The following LARGE1 variants were observed in gnomAD, a reference collection of about 807,000 sequenced individuals.
LARGE1 encodes the protein LARGE xylosyl- and glucuronyltransferase 1.
In LARGE1, 43 loss-of-function variants were observed where a neutral mutation model predicts 87.6. The observed-to-expected ratio is 0.49, with a 90% CI of 0.38 to 0.63. The LOEUF is 0.63. Among genes scored for constraint, LARGE1 ranks in the 30% least tolerant of loss-of-function variants. The pLI is 0.00. For synonymous variants in LARGE1, 434 were observed against 394.6 expected, an observed-to-expected ratio of 1.10 and a Z score of -1.18; for missense variants, 802 against 1,000.2, an observed-to-expected ratio of 0.80 and a Z score of 2.67.
intron 1 of LARGE1, among the ~76,000 whole-genome samples, chr22:33,800,642 T>C (rs1489507101): frequency 2.6e-5 from 4 of 152,204 alleles, no homozygotes; most frequent in African/African-American, 9.6e-5. Context: ...AACAGAACCA[T>C]ATAGTCTCTA....
At chr22:33,758,591 T>C (rs2084609518) in intron 2 of LARGE1, among the ~76,000 whole-genome samples, 1 of 152,210 alleles carries the variant, frequency 6.6e-6, no homozygotes, top group Non-Finnish European at 1.5e-5. Context: ...CCTCAAAGTA[T>C]TTTCATGATC....
At chr22:33,331,394 CTCTT>C (rs1347622959) in intron 10 of LARGE1, among the ~76,000 whole-genome samples, 2 of 150,008 alleles carry the variant, frequency 1.3e-5, no homozygotes, top group Non-Finnish European at 2.9e-5. Flanking sequence ...CTTTCTCTCT[CTCTT>C]TCTCTTCTTA....
At chr22:33,866,791 T>C (rs1038544595) in intron 1 of LARGE1, among the ~76,000 whole-genome samples, 1 of 152,078 alleles carries the variant, frequency 6.6e-6, no homozygotes, top group Non-Finnish European at 1.5e-5. Flanking sequence ...GGCCCAAACA[T>C]AGCAGACACT....
chr22:33,837,746 C>T (rs1484415763), intron 1 of LARGE1, among the ~76,000 whole-genome samples: 1 of 152,236 alleles, frequency 6.6e-6, no homozygotes, highest in Non-Finnish European at 1.5e-5. Context: ...TCAATGAGAA[C>T]TTCAAGAGGC....
the LARGE1 span, among the ~76,000 whole-genome samples, chr22:33,117,406 T>C: frequency 1.3e-5 from 2 of 150,788 alleles, no homozygotes; most frequent in Non-Finnish European, 2.9e-5. Flanking sequence ...GAGTCATAGA[T>C]ATTGTAAGCA....
chr22:33,396,961 T>C (rs2065767664), intron 7 of LARGE1, among the ~76,000 whole-genome samples: 3 of 152,192 alleles, frequency 2.0e-5, no homozygotes, highest in Non-Finnish European at 4.4e-5. Context: ...GAGTGGAATG[T>C]ACATTCAGAA....
At chr22:33,234,867 T>C (rs1370079265) in intron 11 of LARGE1, among the ~76,000 whole-genome samples, 1 of 151,742 alleles carries the variant, frequency 6.6e-6, no homozygotes, top group African/African-American at 2.4e-5. Flanking sequence ...ATATTAATTG[T>C]ATTTTTTAAA....
At chr22:33,528,821 A>G (rs1025884615) in intron 6 of LARGE1, among the ~76,000 whole-genome samples, 8 of 152,168 alleles carry the variant, frequency 5.3e-5, no homozygotes, top group Non-Finnish European at 8.8e-5. Flanking sequence ...GGTCTCCTTG[A>G]CCAAGAGATG....
At chr22:33,791,674 A>G (rs2085828039) in intron 1 of LARGE1, among the ~76,000 whole-genome samples, 1 of 152,192 alleles carries the variant, frequency 6.6e-6, no homozygotes, top group African/African-American at 2.4e-5. Context: ...AAATGCTGCT[A>G]AAGAGCAGAG....
chr22:33,910,156 C>T (rs781556833), intron 1 of LARGE1, among the ~76,000 whole-genome samples: 1 of 152,146 alleles, frequency 6.6e-6, no homozygotes, highest in Non-Finnish European at 1.5e-5. Flanking sequence ...TAACTTATGA[C>T]ACATTTTTTG....
At chr22:33,851,821 T>G (rs1380797843) in intron 1 of LARGE1, among the ~76,000 whole-genome samples, 1 of 152,214 alleles carries the variant, frequency 6.6e-6, no homozygotes, top group East Asian at 1.9e-4. Context: ...TTCCTAATTT[T>G]TATCTAAGAG....
chr22:33,901,305 G>A (rs2146898801), intron 1 of LARGE1, among the ~76,000 whole-genome samples: 1 of 152,196 alleles, frequency 6.6e-6, no homozygotes, highest in East Asian at 1.9e-4. Flanking sequence ...AGAACTGTGA[G>A]ACAATTAATG....
At chr22:33,234,874 T>A (rs543230203) in intron 11 of LARGE1, among the ~76,000 whole-genome samples, 10 of 151,070 alleles carry the variant, frequency 6.6e-5, no homozygotes, top group South Asian at 2.1e-4. Flanking sequence ...TTGTATTTTT[T>A]AAAAATCTGA....
downstream of LARGE1, among the ~76,000 whole-genome samples, chr22:33,269,300 AC>A (rs1199848303): frequency 4.4e-4 from 67 of 152,334 alleles, no homozygotes; most frequent in Middle Eastern, 3.4e-3. Flanking sequence ...TGAAACTAAA[AC>A]AAAACTAAAA....
intron 2 of LARGE1, among the ~76,000 whole-genome samples, chr22:33,741,849 G>GT (rs1408372505): frequency 6.6e-6 from 1 of 152,164 alleles, no homozygotes; most frequent in Non-Finnish European, 1.5e-5. Context: ...GCAAGAGAAC[G>GT]TGAGTGGGTT....
chr22:33,458,233 G>A (rs1282580379), intron 6 of LARGE1, among the ~76,000 whole-genome samples: 3 of 148,986 alleles, frequency 2.0e-5, no homozygotes, highest in East Asian at 2.0e-4. Flanking sequence ...CAGCCTCCCA[G>A]TAGCTGGGAC....
chr22:33,525,128 T>G (rs899474607), intron 6 of LARGE1, among the ~76,000 whole-genome samples: 1 of 152,184 alleles, frequency 6.6e-6, no homozygotes, highest in African/African-American at 2.4e-5. Flanking sequence ...AAGTGATAAT[T>G]AGGGCACGGA....
At chr22:33,868,552 T>C (rs2064177468) in intron 1 of LARGE1, among the ~76,000 whole-genome samples, 1 of 152,130 alleles carries the variant, frequency 6.6e-6, no homozygotes, top group Admixed American at 6.6e-5. Flanking sequence ...CCAGCCAGCA[T>C]CTGCCACACC....
chr22:33,546,306 C>A (rs1394033213), intron 6 of LARGE1, among the ~76,000 whole-genome samples: 3 of 152,200 alleles, frequency 2.0e-5, no homozygotes, highest in Non-Finnish European at 1.5e-5. Context: ...TGCCTTCCTG[C>A]CTTTGGTCCA....
Sources: gnomAD v4.1 joint callset for allele counts (sites outside exome capture counted in the v4.1 genomes callset) on GRCh38, gnomAD v4.1.1 for gene constraint, MANE v1.5 for transcripts, NCBI Gene and HGNC (gene_info 2026-07-23, HGNC 2026-07-21) for gene names.